The following CA10 variants were observed in gnomAD, a reference collection of about 807,000 sequenced individuals.
CA10 encodes the protein carbonic anhydrase 10 (inactive), also known as carbonic anhydrase-related protein 10.
A neutral mutation model predicts 44.2 loss-of-function variants in CA10; 14 were observed. The ratio of observed to expected loss-of-function variants is 0.32; its 90% CI spans 0.21 to 0.50. CA10 has a LOEUF of 0.50. Ranked by LOEUF, CA10 falls within the 20% of genes least tolerant of loss-of-function variation. The pLI is 0.99. For missense variants in CA10, 350 were observed against 409.7 expected, an observed-to-expected ratio of 0.85 and a Z score of 1.26; for synonymous variants, 159 against 141.6, an observed-to-expected ratio of 1.12 and a Z score of -0.87.
chr17:52,070,797 G>A (rs978348276), intron 2 of CA10, among the ~76,000 whole-genome samples: 2 of 152,036 alleles, frequency 1.3e-5, no homozygotes, highest in Admixed American at 6.6e-5. Flanking sequence ...AAAAAACATC[G>A]AAAAATGTGA....
chr17:51,743,462 A>G (rs1904542451), intron 4 of CA10, among the ~76,000 whole-genome samples: 1 of 152,218 alleles, frequency 6.6e-6, no homozygotes. Flanking sequence ...GAATGTGCTC[A>G]TTTATCACCA....
At chr17:51,646,907 A>G (rs1054169623) in intron 6 of CA10, among the ~76,000 whole-genome samples, 1 of 152,184 alleles carries the variant, frequency 6.6e-6, no homozygotes, top group Non-Finnish European at 1.5e-5. Context: ...GGACACCTCA[A>G]TTACTCCCTG....
intron 3 of CA10, among the ~76,000 whole-genome samples, chr17:51,827,761 A>G (rs1365146004): frequency 6.6e-6 from 1 of 152,176 alleles, no homozygotes; most frequent in African/African-American, 2.4e-5. Flanking sequence ...CAGACTGGCT[A>G]GCTCTTTACC....
At chr17:51,733,471 C>T (rs1916790650) in intron 4 of CA10, among the ~76,000 whole-genome samples, 1 of 152,116 alleles carries the variant, frequency 6.6e-6, no homozygotes, top group East Asian at 1.9e-4. Context: ...GTTTTGAGTG[C>T]TTTGGAATCA....
At chr17:52,028,513 C>T (rs1986368322) in intron 2 of CA10, among the ~76,000 whole-genome samples, 1 of 152,150 alleles carries the variant, frequency 6.6e-6, no homozygotes, top group African/African-American at 2.4e-5. Context: ...ACTGATCTGG[C>T]ATGAAGTGAG....
At chr17:51,742,119 C>T (rs147746926) in intron 4 of CA10, among the ~76,000 whole-genome samples, 1,626 of 152,262 alleles carry the variant, frequency 0.011, 34 homozygotes, top group African/African-American at 0.037. Flanking sequence ...GAGGCAGCAC[C>T]TTCCTGTCTG....
chr17:51,971,745 T>C (rs899167139), intron 2 of CA10, among the ~76,000 whole-genome samples: 1 of 152,076 alleles, frequency 6.6e-6, no homozygotes, highest in South Asian at 2.1e-4. Context: ...TATAGTGTCC[T>C]GTGTTAATAA....
intron 1 of CA10, among the ~76,000 whole-genome samples, chr17:52,126,983 T>A (rs1366133033): frequency 6.6e-6 from 1 of 152,192 alleles, no homozygotes; most frequent in African/African-American, 2.4e-5. Flanking sequence ...CCTCTTTACT[T>A]ATATATTTGT....
intron 4 of CA10, among the ~76,000 whole-genome samples, chr17:51,704,434 G>GT (rs1440439698): frequency 6.6e-6 from 1 of 152,198 alleles, no homozygotes; most frequent in Non-Finnish European, 1.5e-5. Context: ...TTGGGCAAGT[G>GT]TTTCTCTCTA....
intron 3 of CA10, among the ~76,000 whole-genome samples, chr17:51,776,270 G>A (rs961421274): frequency 6.6e-6 from 1 of 152,150 alleles, no homozygotes; most frequent in Non-Finnish European, 1.5e-5. Flanking sequence ...AGCTACTCGG[G>A]AGGCTGAGGC....
At chr17:52,091,964 T>C (rs939831013) in intron 1 of CA10, among the ~76,000 whole-genome samples, 1 of 152,232 alleles carries the variant, frequency 6.6e-6, no homozygotes, top group Non-Finnish European at 1.5e-5. Context: ...ATGCCGCCTA[T>C]GCTCTTCACA....
At chr17:52,103,124 A>C (rs977230981) in intron 1 of CA10, among the ~76,000 whole-genome samples, 3 of 152,200 alleles carry the variant, frequency 2.0e-5, no homozygotes, top group African/African-American at 7.2e-5. Flanking sequence ...AGATCTTTTG[A>C]ATCAGAGTCT....
intron 2 of CA10, among the ~76,000 whole-genome samples, chr17:52,020,859 T>C (rs185318577): frequency 6.8e-4 from 103 of 152,182 alleles, no homozygotes; most frequent in East Asian, 4.6e-3. Flanking sequence ...TTTATGCCCA[T>C]GTGTACCTAA....
Position 52,135,193 on chromosome 17 carries a change from C to G in CA10, c.61+22533G>C, listed in dbSNP as rs889224425. The G allele has an allele frequency of 8.4e-5, 28 of 334,948 alleles. 1 individual carries two copies. The highest frequency in any genetic ancestry group is 6.6e-4 in the South Asian group (28 of 42,312). The allele number at this position is 334,948 out of a possible 1,614,324, so 20.7% of individuals were successfully genotyped here. On this transcript the variant is annotated intron_variant, in intron 1 of 8. Coordinates refer to ENST00000451037, the MANE Select transcript of CA10 (RefSeq NM_020178.5). ...GACATGCCTCAGTATATCCCTCCCT[C>G]GCTAACCATGTTAGGCTTTCCTCCC...
intron 3 of CA10, among the ~76,000 whole-genome samples, chr17:51,929,398 G>A (rs1015274216): frequency 6.6e-6 from 1 of 152,146 alleles, no homozygotes; most frequent in South Asian, 2.1e-4. Context: ...TTCAGCTCCC[G>A]AACACTGCCT....
intron 2 of CA10, among the ~76,000 whole-genome samples, chr17:52,022,871 CA>C (rs1020500054): frequency 1.4e-4 from 22 of 151,796 alleles, no homozygotes; most frequent in African/African-American, 5.1e-4. Flanking sequence ...GCAACAACAA[CA>C]AAAAAATACC....
At chr17:52,055,027 C>T (rs557949668) in intron 2 of CA10, among the ~76,000 whole-genome samples, 5 of 152,098 alleles carry the variant, frequency 3.3e-5, no homozygotes, top group African/African-American at 4.8e-5. Flanking sequence ...CTCTGCCTCC[C>T]ACAAATAATT....
chr17:52,086,907 C>T (rs944512272), intron 1 of CA10, among the ~76,000 whole-genome samples: 1 of 152,134 alleles, frequency 6.6e-6, no homozygotes, highest in Non-Finnish European at 1.5e-5. Flanking sequence ...TGTTGTAGGG[C>T]ATTTAGGTTT....
chr17:52,147,198 T>A (rs1041497621), intron 1 of CA10, among the ~76,000 whole-genome samples: 1 of 152,134 alleles, frequency 6.6e-6, no homozygotes, highest in Non-Finnish European at 1.5e-5. Context: ...GGGGAATAAT[T>A]TTTTTCCTAA....
Sources: gnomAD v4.1 joint callset for allele counts (sites outside exome capture counted in the v4.1 genomes callset) on GRCh38, gnomAD v4.1.1 for gene constraint, MANE v1.5 for transcripts, NCBI Gene and HGNC (gene_info 2026-07-23, HGNC 2026-07-21) for gene names.